Variants in MTMR1 observed in about 807,000 individuals in gnomAD.
MTMR1 encodes the protein phosphatidylinositol-3-phosphate phosphatase MTMR1.
Under a neutral mutation model 51.6 loss-of-function variants are expected in MTMR1, and 17 were observed. The ratio of observed to expected loss-of-function variants is 0.33; its 90% CI spans 0.23 to 0.49. The LOEUF is 0.49. Among genes scored for constraint, MTMR1 ranks in the 20% least tolerant of loss-of-function variants. The pLI is 0.99. For synonymous variants in MTMR1, 201 were observed against 205.6 expected (o/e 0.98, Z 0.19); for missense variants, 386 against 526.9 (o/e 0.73, Z 2.62).
At chrX:150,733,767 T>C (rs1333032772) in intron 10 of MTMR1, among the ~76,000 whole-genome samples, 2 of 111,154 alleles carry the variant, frequency 1.8e-5, no homozygotes, top group Admixed American at 9.6e-5. Context: ...GAAGAATGCA[T>C]GTAAATGACT....
intron 4 of MTMR1, among the ~76,000 whole-genome samples, chrX:150,719,422 A>G (rs184968825): frequency 7.1e-5 from 8 of 111,932 alleles, no homozygotes; most frequent in Non-Finnish European, 3.8e-5. Context: ...AGATCCTCCA[A>G]TCAATTATTG....
At chrX:150,741,611 A>G (rs1327934646) in intron 12 of MTMR1, among the ~76,000 whole-genome samples, 1 of 112,328 alleles carries the variant, frequency 8.9e-6, no homozygotes, top group Admixed American at 9.4e-5. Context: ...TGAATTATTC[A>G]TCAAGCACAA....
intron 4 of MTMR1, among the ~76,000 whole-genome samples, chrX:150,722,601 A>G (rs931506767): frequency 1.8e-5 from 2 of 111,343 alleles, no homozygotes; most frequent in African/African-American, 6.5e-5. Context: ...ATTTCAAACT[A>G]TTTGTGTCTT....
chrX:150,722,275 C>A (rs782533936), intron 4 of MTMR1, among the ~76,000 whole-genome samples: 6 of 112,003 alleles, frequency 5.4e-5, no homozygotes, highest in African/African-American at 1.9e-4. Context: ...GATCTGTATT[C>A]TTAGCCATTT....
At chrX:150,753,998 T>C (rs1435320300) in intron 14 of MTMR1, among the ~76,000 whole-genome samples, 2 of 112,910 alleles carry the variant, frequency 1.8e-5, no homozygotes, top group Admixed American at 9.3e-5. Flanking sequence ...AACGTTTGTA[T>C]ACGGTGTGAA....
At chrX:150,721,498 G>C (rs1193328707) in intron 4 of MTMR1, among the ~76,000 whole-genome samples, 9 of 111,511 alleles carry the variant, frequency 8.1e-5, no homozygotes, top group African/African-American at 2.6e-4. Flanking sequence ...TTTTGGGTAA[G>C]CTTTGGTAGT....
Position 150,718,619 on chromosome X carries a change from T to TTGGG in MTMR1, c.277-6_277-5insTGGG. 2 of 524,759 alleles carry TTGGG rather than the reference T, an allele frequency of 3.8e-6. No individual in the cohort carries two copies. Among genetic ancestry groups the TTGGG allele is most frequent in the Non-Finnish European group, 5.4e-6 (2 of 369,682 alleles). 43.2% of individuals were successfully genotyped at this position (524,759 alleles called of 1,213,427 possible). A position where few individuals can be genotyped will look rare whatever the true frequency, so the allele number is the denominator to read the frequency against. ...TTTTTTTTTTTTTTTTTTTTTTTTTTGCCAGGCTCTAAGGGATGGAAATAA... is the reference window on the plus strand; with the variant it reads ...TTTTTTTTTTTTTTTTTTTTTTTTTTTGGGGCCAGGCTCTAAGGGATGGAAATAA... On this transcript the variant is annotated splice_region_variant and splice_polypyrimidine_tract_variant and intron_variant, in intron 3 of 15. Coordinates refer to ENST00000445323, the MANE Select transcript of MTMR1 (RefSeq NM_001306144.3).
intron 15 of MTMR1, among the ~76,000 whole-genome samples, chrX:150,758,795 CAA>C (rs1265592050): frequency 1.1e-4 from 7 of 65,671 alleles, no homozygotes; most frequent in African/African-American, 2.2e-4. Context: ...GACTCCGTCT[CAA>C]AAAAAAAAAA....
chrX:150,705,675 A>G (rs2041072305), intron 2 of MTMR1, among the ~76,000 whole-genome samples: 1 of 111,812 alleles, frequency 8.9e-6, no homozygotes, highest in Admixed American at 9.5e-5. Flanking sequence ...AGAAGTTGTC[A>G]CTAGCATACC....
At chrX:150,715,243 T>TCAG (rs2041463945) in intron 3 of MTMR1, among the ~76,000 whole-genome samples, 1 of 111,853 alleles carries the variant, frequency 8.9e-6, no homozygotes, top group African/African-American at 3.3e-5. Context: ...ACTATCCACC[T>TCAG]GGCGGCTTGG....
intron 2 of MTMR1, among the ~76,000 whole-genome samples, chrX:150,704,674 T>C (rs976040802): frequency 1.8e-5 from 2 of 111,888 alleles, no homozygotes; most frequent in Admixed American, 9.4e-5. Context: ...GCAGTGTCAG[T>C]GGAGGCTGAG....
chrX:150,752,624 G>GTTTTT (rs782406235), intron 14 of MTMR1, among the ~76,000 whole-genome samples: 3 of 57,459 alleles, frequency 5.2e-5, no homozygotes, highest in East Asian at 6.0e-4. Flanking sequence ...GCTTTATCTT[G>GTTTTT]TTTTTTTTTT....
chrX:150,693,364 G>A, upstream of MTMR1: 2 of 639,649 alleles, frequency 3.1e-6, no homozygotes, highest in South Asian at 8.0e-5. Flanking sequence ...CCCCGCGCGC[G>A]CGGCCTTGTG....
chrX:150,707,056 AC>A (rs1282958004), intron 2 of MTMR1, among the ~76,000 whole-genome samples: 5 of 110,435 alleles, frequency 4.5e-5, no homozygotes, highest in African/African-American at 6.7e-5. Flanking sequence ...AGACAAAAAA[AC>A]AAAACAAAAC....
chrX:150,746,050 C>T (rs2042567471), intron 13 of MTMR1, among the ~76,000 whole-genome samples: 1 of 112,402 alleles, frequency 8.9e-6, no homozygotes, highest in African/African-American at 3.2e-5. Flanking sequence ...GAGGCAGAGC[C>T]TGAGATGCCA....
At chrX:150,720,041 T>G (rs1229167815) in intron 4 of MTMR1, among the ~76,000 whole-genome samples, 6 of 112,303 alleles carry the variant, frequency 5.3e-5, no homozygotes, top group Non-Finnish European at 3.8e-5. Context: ...CCTTAAGTGA[T>G]GTAAATATGC....
chrX:150,699,108 G>C, intron 1 of MTMR1, 87 bp from the exon 2 acceptor site: 1 of 470,957 alleles, frequency 2.1e-6, no homozygotes, highest in Non-Finnish European at 3.4e-6. Context: ...TCTAAAAAAA[G>C]AAGTGTTATC....
intron 15 of MTMR1, among the ~76,000 whole-genome samples, chrX:150,758,074 G>A (rs782433593): frequency 1.8e-5 from 2 of 111,245 alleles, no homozygotes; most frequent in East Asian, 2.9e-4. Flanking sequence ...CTGAATGAAC[G>A]CATGAGTGAA....
chrX:150,736,852 C>T, intron 11 of MTMR1, 72 bp downstream of exon 11: 1 of 965,878 alleles, frequency 1.0e-6, no homozygotes, highest in Non-Finnish European at 1.4e-6. Context: ...ATACGTATAT[C>T]TCCAAGTGCC....
Sources: allele counts gnomAD v4.1 joint callset (sites outside exome capture counted in the v4.1 genomes callset), GRCh38; gene constraint gnomAD v4.1.1; transcripts MANE v1.5; gene names NCBI Gene and HGNC (gene_info 2026-07-23, HGNC 2026-07-21).